JPH2: variants seen among roughly 807,000 people sequenced by gnomAD.
The protein encoded by JPH2 is junctophilin-2.
JPH2 carries 38 observed loss-of-function variants against 55.9 expected under a neutral mutation model. The observed-to-expected ratio is 0.68, with a 90% CI of 0.52 to 0.89. JPH2 has a LOEUF of 0.89. Among genes scored for constraint, JPH2 ranks in the 40% least tolerant of loss-of-function variants. The probability of loss-of-function intolerance (pLI) is 0.00; values close to 1 mark genes in which losing one functional copy is unlikely to be tolerated. For missense variants in JPH2, 964 were observed against 1,037.6 expected, an observed-to-expected ratio of 0.93 and a Z score of 0.97; for synonymous variants, 480 against 472.4, an observed-to-expected ratio of 1.02 and a Z score of -0.21.
intron 4 of JPH2, 64 bp from the exon 5 acceptor site, chr20:44,114,940 C>T: frequency 3.1e-6 from 4 of 1,294,712 alleles, no homozygotes; most frequent in Non-Finnish European, 4.4e-6. Context: ...CCACCCAGGT[C>T]ACAGCAAGGC....
chr20:44,174,561 G>A (rs951693043), intron 1 of JPH2, among the ~76,000 whole-genome samples: 2 of 152,252 alleles, frequency 1.3e-5, no homozygotes, highest in African/African-American at 4.8e-5. Flanking sequence ...ATCACTTGAG[G>A]TCAGGAGTTC....
chr20:44,138,812 T>A (rs1253341912), intron 2 of JPH2, among the ~76,000 whole-genome samples: 1 of 152,230 alleles, frequency 6.6e-6, no homozygotes, highest in African/African-American at 2.4e-5. Context: ...TTTATGGTAA[T>A]GATCTAAAGT....
At chr20:44,129,116 T>A (rs2072297087) in intron 2 of JPH2, among the ~76,000 whole-genome samples, 1 of 152,050 alleles carries the variant, frequency 6.6e-6, no homozygotes, top group Non-Finnish European at 1.5e-5. Flanking sequence ...TTGGGGGCTG[T>A]GATAGCCCTC....
chr20:44,134,011 AT>A lies in JPH2; in HGVS notation c.1170-15389del, dbSNP rs1444032777. ...TTATTATAAATATATATAAATATAT[AT>A]ATTATAAATATATATAAATATATAT... On this transcript the variant is annotated intron_variant, in intron 2 of 5. Coordinates refer to ENST00000372980, the MANE Select transcript of JPH2 (RefSeq NM_020433.5). 6.6e-3 allele frequency among the ~76,000 whole-genome samples: 52 copies of A among 7,834 alleles called. 21 individuals carry two copies. The highest frequency in any genetic ancestry group is 9.1e-3 in the Non-Finnish European group (46 of 5,082). 5.1% of individuals were successfully genotyped at this position (7,834 alleles called of 152,430 possible).
intron 2 of JPH2, among the ~76,000 whole-genome samples, chr20:44,125,080 C>T (rs1340733235): frequency 6.8e-6 from 1 of 147,646 alleles, no homozygotes; most frequent in African/African-American, 2.5e-5. Context: ...TGTACTCCAA[C>T]TCCAGCCTGG....
intron 1 of JPH2, among the ~76,000 whole-genome samples, chr20:44,161,460 G>A (rs2072609457): frequency 1.3e-5 from 2 of 152,134 alleles, no homozygotes; most frequent in Admixed American, 1.3e-4. Flanking sequence ...ACAAACTCCA[G>A]AGCCAGGCTC....
In JPH2 at chr20:44,107,795, G is replaced by C. The variant is rs1003476448; in HGVS notation, c.*5723C>G. Among the ~76,000 whole-genome samples the C allele has an allele frequency of 1.3e-5, 2 of 152,296 alleles. No homozygotes were observed. The highest frequency in any genetic ancestry group is 1.9e-4 in the East Asian group (1 of 5,184). ...AAGCTGTGGATAGGAAGAGATACAG[G>C]GTTGTGTAGTTAGCAACTGGGCCTT... On this transcript the variant is annotated 3_prime_UTR_variant, in exon 6 of 6. Transcript: ENST00000372980.
chr20:44,181,515 A>G (rs1001279970), intron 1 of JPH2, among the ~76,000 whole-genome samples: 1 of 152,198 alleles, frequency 6.6e-6, no homozygotes, highest in African/African-American at 2.4e-5. Context: ...TTCACCATCC[A>G]CTAATGCGTT....
intron 2 of JPH2, among the ~76,000 whole-genome samples, chr20:44,128,919 C>T (rs1226736993): frequency 6.6e-6 from 1 of 152,120 alleles, no homozygotes; most frequent in Non-Finnish European, 1.5e-5. Flanking sequence ...TACTGAAATT[C>T]TCTGTGCTTT....
At chr20:44,125,018 G>T (rs2072265838) in intron 2 of JPH2, among the ~76,000 whole-genome samples, 1 of 150,660 alleles carries the variant, frequency 6.6e-6, no homozygotes, top group African/African-American at 2.4e-5. Context: ...CTGAGGCAGA[G>T]AATCACTTGA....
intron 1 of JPH2, among the ~76,000 whole-genome samples, chr20:44,174,664 C>T (rs2072720508): frequency 1.3e-5 from 2 of 151,968 alleles, no homozygotes; most frequent in African/African-American, 4.8e-5. Flanking sequence ...ATCCCAGCTA[C>T]TCGGGAGGCT....
At chr20:44,141,577 T>G (rs1452572459) in intron 2 of JPH2, among the ~76,000 whole-genome samples, 1 of 152,056 alleles carries the variant, frequency 6.6e-6, no homozygotes, top group Non-Finnish European at 1.5e-5. Context: ...GGTGTGATCA[T>G]AGCTCACTGA....
intron 2 of JPH2, among the ~76,000 whole-genome samples, chr20:44,120,908 G>A (rs776639887): frequency 6.6e-5 from 10 of 152,254 alleles, no homozygotes; most frequent in Admixed American, 5.9e-4. Flanking sequence ...GCCAGGAGCT[G>A]AGCATGGCCA....
At chr20:44,146,069 G>A (rs882698) in intron 2 of JPH2, among the ~76,000 whole-genome samples, 5 of 147,382 alleles carry the variant, frequency 3.4e-5, no homozygotes, top group African/African-American at 5.0e-5. Flanking sequence ...AGTCTCACTC[G>A]GTTGCCCAGG....
intron 1 of JPH2, among the ~76,000 whole-genome samples, chr20:44,172,896 G>A (rs1250610415): frequency 1.3e-5 from 2 of 152,166 alleles, no homozygotes; most frequent in East Asian, 3.9e-4. Flanking sequence ...ATCCTGAGAA[G>A]GTCACAGCTG....
chr20:44,144,342 G>A (rs575344225), intron 2 of JPH2, among the ~76,000 whole-genome samples: 9 of 152,198 alleles, frequency 5.9e-5, no homozygotes, highest in Non-Finnish European at 1.0e-4. Context: ...AACTGCCCAC[G>A]GTCCCTCCTT....
chr20:44,109,303 C>A lies in JPH2; in HGVS notation c.*4215G>T, dbSNP rs1194330729. 6.6e-6 allele frequency among the ~76,000 whole-genome samples: 1 copy of A among 152,242 alleles called. No homozygotes were observed. Among genetic ancestry groups the A allele is most frequent in the Non-Finnish European group, 1.5e-5 (1 of 68,040 alleles). On this transcript the variant is annotated 3_prime_UTR_variant, in exon 6 of 6. Coordinates refer to ENST00000372980, the MANE Select transcript of JPH2 (RefSeq NM_020433.5). ...AGATACTGCGAAGAATGGAAAATAG[C>A]AGTGCATTTACCATCTGCTCACACC...
At position 44,108,569 on chromosome 20, in the gene JPH2, G is replaced by T. The variant is rs1354625973; in HGVS notation, c.*4949C>A. Reference sequence around the variant, plus strand: ...CTCAAGATGTAAATAGCTTTAAAAGGTCACTAAGAAGTGACTGTATACCAT... The same window carrying T: ...CTCAAGATGTAAATAGCTTTAAAAGTTCACTAAGAAGTGACTGTATACCAT... On this transcript the variant is annotated 3_prime_UTR_variant, in exon 6 of 6. Transcript: ENST00000372980. Among the ~76,000 whole-genome samples, 1 of 150,082 alleles carries T rather than the reference G, an allele frequency of 6.7e-6. No homozygotes were observed. The highest frequency in any genetic ancestry group is 1.5e-5 in the Non-Finnish European group (1 of 67,812).
At chr20:44,184,582 G>A (rs929329658) in intron 1 of JPH2, among the ~76,000 whole-genome samples, 23 of 152,144 alleles carry the variant, frequency 1.5e-4, no homozygotes, top group Admixed American at 6.5e-4. Context: ...ATTCTAAAGT[G>A]TCCCTTTTCA....
Sources: gnomAD v4.1 joint callset for allele counts (sites outside exome capture counted in the v4.1 genomes callset) on GRCh38, gnomAD v4.1.1 for gene constraint, MANE v1.5 for transcripts, NCBI Gene and HGNC (gene_info 2026-07-23, HGNC 2026-07-21) for gene names.